Variants in OPRM1 observed in about 807,000 individuals in gnomAD.
OPRM1 encodes mu-type opioid receptor.
A neutral mutation model predicts 31.8 loss-of-function variants in OPRM1; 27 were observed. That is an observed-to-expected ratio of 0.85 (90% CI 0.63 to 1.17). OPRM1 has a LOEUF of 1.17. OPRM1 is among the 50% of genes most tolerant of loss of function. The pLI is 0.00. For synonymous variants in OPRM1, 196 were observed against 189.9 expected (o/e 1.03, Z -0.26); for missense variants, 536 against 511.1 (o/e 1.05, Z -0.47).
intron 3 of OPRM1, among the ~76,000 whole-genome samples, chr6:154,113,526 G>A (rs902670383): frequency 1.9e-4 from 29 of 152,218 alleles, no homozygotes; most frequent in African/African-American, 6.5e-4. Context: ...GGGCAGGGTC[G>A]CCAAGTACTT....
intron 1 of OPRM1, among the ~76,000 whole-genome samples, chr6:154,055,976 G>A (rs1478026629): frequency 6.6e-6 from 1 of 152,066 alleles, no homozygotes; most frequent in Non-Finnish European, 1.5e-5. Flanking sequence ...TATAACAATG[G>A]CATTCTCTGA....
At chr6:154,185,766 C>T (rs1282662765) in intron 3 of OPRM1, among the ~76,000 whole-genome samples, 1 of 152,010 alleles carries the variant, frequency 6.6e-6, no homozygotes, top group African/African-American at 2.4e-5. Flanking sequence ...ATAGCTGAAA[C>T]AAAAGCTAAA....
intron 1 of OPRM1, chr6:154,074,333 T>C (rs1181336655): frequency 6.6e-6 from 1 of 152,268 alleles, no homozygotes; most frequent in Non-Finnish European, 1.5e-5. Flanking sequence ...CATAAGTGTT[T>C]GTTAAATAAA....
intron 3 of OPRM1, chr6:154,212,797 A>G: frequency 6.2e-7 from 1 of 1,613,394 alleles, no homozygotes; most frequent in African/African-American, 1.3e-5. Context: ...AAGCGTGAGG[A>G]GGGGGTGGTG....
At chr6:154,141,891 G>A (rs910387711) in intron 3 of OPRM1, among the ~76,000 whole-genome samples, 1 of 152,160 alleles carries the variant, frequency 6.6e-6, no homozygotes, top group African/African-American at 2.4e-5. Flanking sequence ...GTGATTTCAA[G>A]GCCCAAGATA....
intron 3 of OPRM1, among the ~76,000 whole-genome samples, chr6:154,189,017 A>C (rs1801627839): frequency 6.6e-6 from 1 of 152,238 alleles, no homozygotes; most frequent in African/African-American, 2.4e-5. Flanking sequence ...AAAAGATACT[A>C]CTTTACAAGA....
intron 3 of OPRM1, among the ~76,000 whole-genome samples, chr6:154,092,881 C>T (rs1484417169): frequency 1.3e-5 from 2 of 152,204 alleles, no homozygotes; most frequent in Non-Finnish European, 2.9e-5. Flanking sequence ...TATTATGTCT[C>T]AGTTCTAATT....
chr6:154,148,076 A>G (rs1312169967), intron 3 of OPRM1, among the ~76,000 whole-genome samples: 2 of 152,208 alleles, frequency 1.3e-5, no homozygotes, highest in East Asian at 1.9e-4. Context: ...TTTCAGGCCA[A>G]CAGCTTCTGA....
intron 3 of OPRM1, among the ~76,000 whole-genome samples, chr6:154,223,550 G>A (rs1434241748): frequency 3.1e-5 from 3 of 96,542 alleles, no homozygotes; most frequent in Non-Finnish European, 6.1e-5. Context: ...GGAAAACATA[G>A]CTAACCCAAC....
intron 3 of OPRM1, among the ~76,000 whole-genome samples, chr6:154,095,677 A>G (rs1354179885): frequency 1.3e-5 from 2 of 152,186 alleles, no homozygotes; most frequent in African/African-American, 2.4e-5. Context: ...GCTGAGTATG[A>G]AAAAACAAAA....
chr6:154,167,382 C>CA (rs1394711666), intron 3 of OPRM1, among the ~76,000 whole-genome samples: 7 of 152,200 alleles, frequency 4.6e-5, no homozygotes, highest in Non-Finnish European at 1.0e-4. Context: ...GTGTGTACTT[C>CA]CCACTGTCGG....
chr6:154,059,566 A>C (rs1302096965), intron 1 of OPRM1, among the ~76,000 whole-genome samples: 3 of 151,478 alleles, frequency 2.0e-5, no homozygotes, highest in Non-Finnish European at 4.4e-5. Flanking sequence ...ACTTACATTC[A>C]TGATCCTTTT....
intron 3 of OPRM1, among the ~76,000 whole-genome samples, chr6:154,205,850 T>G (rs1777449948): frequency 6.6e-6 from 1 of 152,130 alleles, no homozygotes; most frequent in South Asian, 2.1e-4. Flanking sequence ...TCATAAAGTT[T>G]TGTATCTCCA....
chr6:154,128,740 G>T lies in OPRM1; in HGVS notation c.*10019G>T, dbSNP rs1797727252. ...CATAAAGACATCATTGAGGAAAAAG[G>T]CTACCTTGTACCTCATGGAGAGCTG... On this transcript the variant is annotated 3_prime_UTR_variant, in exon 4 of 4. Transcript: ENST00000330432. 1.3e-5 allele frequency among the ~76,000 whole-genome samples: 2 copies of T among 152,140 alleles called. No individual in the cohort carries two copies. Among genetic ancestry groups the T allele is most frequent in the Non-Finnish European group, 1.5e-5 (1 of 68,028 alleles).
chr6:154,081,505 C>CTAAATAAA (rs947417424), intron 1 of OPRM1, among the ~76,000 whole-genome samples: 7 of 151,232 alleles, frequency 4.6e-5, no homozygotes, highest in African/African-American at 1.7e-4. Context: ...GACTCCATCT[C>CTAAATAAA]TAAATAAATA....
At chr6:154,153,149 AG>A (rs1798587485) in intron 3 of OPRM1, among the ~76,000 whole-genome samples, 1 of 152,200 alleles carries the variant, frequency 6.6e-6, no homozygotes, top group Non-Finnish European at 1.5e-5. Flanking sequence ...GGTGTGAAAA[AG>A]GACTTTCATG....
At chr6:154,145,683 A>G (rs4869817) in intron 3 of OPRM1, among the ~76,000 whole-genome samples, 71,659 of 152,150 alleles carry the variant, frequency 0.47, 17,185 homozygotes, top group Middle Eastern at 0.53. Context: ...AAACATTTTG[A>G]AAAAGAAGAA....
chr6:154,152,784 C>A (rs966655641), intron 3 of OPRM1, among the ~76,000 whole-genome samples: 11 of 152,140 alleles, frequency 7.2e-5, no homozygotes, highest in African/African-American at 2.7e-4. Flanking sequence ...GACTGCAATG[C>A]AGTAACCTGA....
chr6:154,134,329 C>T (rs1047009740), downstream of OPRM1, among the ~76,000 whole-genome samples: 3 of 152,174 alleles, frequency 2.0e-5, no homozygotes, highest in African/African-American at 7.2e-5. Flanking sequence ...ATAGAGTAAA[C>T]AAAGCCAACC....
Sources: allele counts gnomAD v4.1 joint callset (sites outside exome capture counted in the v4.1 genomes callset), GRCh38; gene constraint gnomAD v4.1.1; transcripts MANE v1.5; gene names NCBI Gene and HGNC (gene_info 2026-07-23, HGNC 2026-07-21).